The following PM20D2 variants were observed in gnomAD, a reference collection of about 807,000 sequenced individuals.
PM20D2 encodes the protein peptidase M20 domain containing 2, also known as xaa-Arg dipeptidase.
PM20D2 carries 33 observed loss-of-function variants against 42.9 expected under a neutral mutation model. The ratio of observed to expected loss-of-function variants is 0.77; its 90% CI spans 0.58 to 1.03. The LOEUF is 1.03. Ranked by LOEUF, PM20D2 falls within the 50% of genes least tolerant of loss-of-function variation. PM20D2 has a pLI of 0.00. For synonymous variants in PM20D2, 250 were observed against 228.2 expected (o/e 1.10, Z -0.86); for missense variants, 548 against 557.0 (o/e 0.98, Z 0.16).
the PM20D2 span, among the ~76,000 whole-genome samples, chr6:89,130,550 ATCAG>A: frequency 2.6e-5 from 4 of 152,194 alleles, no homozygotes; most frequent in Admixed American, 2.0e-4. Flanking sequence ...CATTTCTCCT[ATCAG>A]TCAGTCTTCA....
chr6:89,128,214 A>G, the PM20D2 span, among the ~76,000 whole-genome samples: 1 of 152,210 alleles, frequency 6.6e-6, no homozygotes, highest in East Asian at 1.9e-4. Flanking sequence ...TTCCTAGCAA[A>G]GAATATTAAT....
the PM20D2 span, among the ~76,000 whole-genome samples, chr6:89,100,012 G>A: frequency 1.3e-5 from 2 of 152,152 alleles, no homozygotes; most frequent in South Asian, 4.1e-4. Context: ...ATGGCTATTT[G>A]ACTAAGCTGA....
Position 89,146,058 on chromosome 6 carries a change from G to C in PM20D2, c.-87G>C, listed in dbSNP as rs903881559. The C allele has an allele frequency of 8.3e-7, 1 of 1,197,624 alleles. No homozygotes were observed. Among genetic ancestry groups the C allele is most frequent in the East Asian group, 3.2e-5 (1 of 31,400 alleles). 74.2% of individuals were successfully genotyped at this position (1,197,624 alleles called of 1,614,324 possible). ...GCGTGCGCGCTCCGCCGGGGTCCTGGAGGCCTCTGGGCGCGTGCGCGGGCG... is the reference window on the plus strand; with the variant it reads ...GCGTGCGCGCTCCGCCGGGGTCCTGCAGGCCTCTGGGCGCGTGCGCGGGCG... On this transcript the variant is annotated 5_prime_UTR_variant, in exon 1 of 7. Coordinates refer to ENST00000275072, the MANE Select transcript of PM20D2 (RefSeq NM_001010853.3).
At chr6:89,111,213 A>G in the PM20D2 span, among the ~76,000 whole-genome samples, 3 of 151,494 alleles carry the variant, frequency 2.0e-5, no homozygotes, top group Non-Finnish European at 2.9e-5. Flanking sequence ...GGTTCAAGCT[A>G]TTCTCGTGCC....
chr6:89,125,233 C>T, the PM20D2 span, among the ~76,000 whole-genome samples: 2 of 152,192 alleles, frequency 1.3e-5, no homozygotes, highest in African/African-American at 4.8e-5. Context: ...GTAATCCCAG[C>T]ACTTTGGCAG....
At chr6:89,100,684 A>G in the PM20D2 span, among the ~76,000 whole-genome samples, 1 of 152,224 alleles carries the variant, frequency 6.6e-6, no homozygotes, top group African/African-American at 2.4e-5. Context: ...AAAACAGATA[A>G]AAAGATCGTT....
At chr6:89,109,620 G>A in the PM20D2 span, among the ~76,000 whole-genome samples, 1 of 152,200 alleles carries the variant, frequency 6.6e-6, no homozygotes, top group Non-Finnish European at 1.5e-5. Context: ...TCTGGAGTCT[G>A]GAAGCCAAGG....
the PM20D2 span, among the ~76,000 whole-genome samples, chr6:89,104,267 C>T: frequency 1.2e-4 from 17 of 143,776 alleles, no homozygotes; most frequent in Non-Finnish European, 2.5e-4. Flanking sequence ...GACGGAGTCT[C>T]GCTCTGTCGC....
rs901271303 is a variant in PM20D2, at chr6:89,164,978, T to C, written c.*2715T>C. 3 of 150,336 alleles carry C rather than the reference T, an allele frequency of 2.0e-5. No individual in the cohort carries two copies. The highest frequency in any genetic ancestry group is 4.2e-4 in the South Asian group (2 of 4,754). The allele number at this position is 150,336 out of a possible 1,614,324, so 9.3% of individuals were successfully genotyped here. A position where few individuals can be genotyped will look rare whatever the true frequency, so the allele number is the denominator to read the frequency against. On this transcript the variant is annotated 3_prime_UTR_variant, in exon 7 of 7. Transcript: ENST00000275072. ...GACACTGTTGCATGCCCCAGAAAGC[T>C]TGTGGTGGGTGGTAAGTTCTCACGA...
At chr6:89,146,910 G>GT (rs775489915) in intron 1 of PM20D2, among the ~76,000 whole-genome samples, 15 of 152,258 alleles carry the variant, frequency 9.9e-5, no homozygotes, top group Non-Finnish European at 2.1e-4. Context: ...CAAGCCTGGT[G>GT]TTTGTTACGG....
At chr6:89,161,972 C>A (rs547820447) in intron 6 of PM20D2, 82 bp downstream of exon 6, 4 of 1,478,808 alleles carry the variant, frequency 2.7e-6, no homozygotes, top group South Asian at 1.2e-5. Context: ...CCTACTATTT[C>A]ACTACATAAC....
the PM20D2 span, chr6:89,098,670 T>C: frequency 6.2e-7 from 1 of 1,614,020 alleles, no homozygotes; most frequent in South Asian, 1.1e-5. Flanking sequence ...TCAGAATTGG[T>C]ATACCCTTTG....
At position 89,154,780 on chromosome 6, in the gene PM20D2, A is replaced by G; in HGVS notation, c.790A>G (p.Ile264Val). ...IIKNGGVKPN[I>V]IPSYSELIYY... ...AAAAAATGGTGGTGTAAAACCCAAT[A>G]TCATTCCCTCTTATTCTGAATTAAT... The change falls in exon 4 of 7, where the codon ATC (isoleucine) becomes GTC (valine). Residue 264 changes from isoleucine (I) to valine (V), a missense_variant. Ile to Val is a conservative substitution (Grantham distance 29, BLOSUM62 3). Coordinates refer to ENST00000275072, the MANE Select transcript of PM20D2 (RefSeq NM_001010853.3). 2 of 1,574,930 alleles carry G rather than the reference A, an allele frequency of 1.3e-6. No individual in the cohort carries two copies. The highest frequency in any genetic ancestry group is 8.6e-7 in the Non-Finnish European group (1 of 1,161,094).
At chr6:89,154,400 A>G (rs1301359939) in intron 3 of PM20D2, among the ~76,000 whole-genome samples, 1 of 152,170 alleles carries the variant, frequency 6.6e-6, no homozygotes, top group Non-Finnish European at 1.5e-5. Flanking sequence ...TTGTTGAGGT[A>G]TGGTAAAATC....
At chr6:89,143,169 A>C (rs2127769079), upstream of PM20D2, among the ~76,000 whole-genome samples, 1 of 151,600 alleles carries the variant, frequency 6.6e-6, no homozygotes, top group Middle Eastern at 3.4e-3. Flanking sequence ...TTATTTTATT[A>C]TTTCTATCTT....
chr6:89,156,967 A>G (rs1483810824), intron 4 of PM20D2, among the ~76,000 whole-genome samples: 1 of 152,318 alleles, frequency 6.6e-6, no homozygotes, highest in Middle Eastern at 3.4e-3. Context: ...TATAATTATA[A>G]ATATTTATTT....
At chr6:89,137,007 T>C in the PM20D2 span, among the ~76,000 whole-genome samples, 1 of 151,202 alleles carries the variant, frequency 6.6e-6, no homozygotes, top group Admixed American at 6.6e-5. Flanking sequence ...AGGCTTGCTG[T>C]CCTGTTAGAA....
Position 89,154,890 on chromosome 6 carries a change from T to A in PM20D2, c.900T>A (p.Ala300=). 1 of 1,599,966 alleles carries A rather than the reference T, an allele frequency of 6.3e-7. No individual in the cohort carries two copies. The highest frequency in any genetic ancestry group is 1.1e-5 in the South Asian group (1 of 88,188). The part of the protein sequence containing the change: ...AEDCFRAAAL[A]SGCTVEIKGG... ...ATTGCTTCAGAGCTGCAGCTTTGGC[T>A]TCAGGGTGCACAGTAAGAACTTTTA... Residue 300 remains alanine (A), a synonymous_variant, in exon 4 of 7, where the codon GCT becomes GCA. Transcript: ENST00000275072.
At chr6:89,117,967 A>C in the PM20D2 span, 1 of 1,435,720 alleles carries the variant, frequency 7.0e-7, no homozygotes, top group Non-Finnish European at 9.3e-7. Flanking sequence ...CTACCACCAC[A>C]GGAGCTCCGC....
Sources: gnomAD v4.1 joint callset for allele counts (sites outside exome capture counted in the v4.1 genomes callset) on GRCh38, gnomAD v4.1.1 for gene constraint, MANE v1.5 for transcripts, NCBI Gene and HGNC (gene_info 2026-07-23, HGNC 2026-07-21) for gene names.